MPG: variants seen among roughly 807,000 people sequenced by gnomAD.
MPG encodes N-methylpurine DNA glycosylase, also known as DNA-3-methyladenine glycosylase.
MPG carries 33 observed loss-of-function variants against 31.7 expected under a neutral mutation model. The ratio of observed to expected loss-of-function variants is 1.04; its 90% CI spans 0.79 to 1.39. The LOEUF is 1.39. MPG is among the 40% of genes most tolerant of loss of function. The pLI is 0.00. For synonymous variants in MPG, 202 were observed against 169.2 expected, an observed-to-expected ratio of 1.19 and a Z score of -1.51; for missense variants, 455 against 415.5, an observed-to-expected ratio of 1.10 and a Z score of -0.83.
At chr16:83,289 G>C in intron 3 of MPG, 33 bp downstream of exon 3, 1 of 1,587,854 alleles carries the variant, frequency 6.3e-7, no homozygotes, top group Non-Finnish European at 8.6e-7. Flanking sequence ...GGGTTGGAGG[G>C]CCGGCAGAGC....
intron 2 of MPG, among the ~76,000 whole-genome samples, chr16:80,921 G>A (rs1029648678): frequency 1.3e-5 from 2 of 152,218 alleles, no homozygotes; most frequent in Admixed American, 6.5e-5. Context: ...ACCACAATAC[G>A]TTTGTCTCTA....
rs969785856 is a variant in MPG, at chr16:85,694, C to T, written c.799C>T (p.Arg267Trp). Residue 267 changes from arginine to tryptophan, a missense_variant, in exon 4 of 4, where the codon CGG (arginine) becomes TGG (tryptophan). Coordinates refer to ENST00000356432, the MANE Select transcript of MPG (RefSeq NM_001015052.3). ...CGTCGGCCATGCAGGGGAGTGGGCC[C>T]GGAAACCCCTCCGCTTCTATGTCCG... ...VGVGHAGEWA[R>W]KPLRFYVRGS... 1.9e-5 allele frequency: 29 copies of T among 1,547,634 alleles called. No individual in the cohort carries two copies. Among genetic ancestry groups the T allele is most frequent in the African/African-American group, 6.8e-5 (5 of 73,114 alleles).
rs771648570 is a variant in MPG, at chr16:78,300, G to A, written c.-10G>A. Reference sequence around the variant, plus strand: ...TCCGAGTCCCACGAAGCCCCGGCCCGAGCCGCCGGATGCCCGCGCGCAGCG... The same window carrying A: ...TCCGAGTCCCACGAAGCCCCGGCCCAAGCCGCCGGATGCCCGCGCGCAGCG... On this transcript the variant is annotated 5_prime_UTR_variant, in exon 1 of 4. Coordinates refer to ENST00000356432, the MANE Select transcript of MPG (RefSeq NM_001015052.3). 7.5e-7 allele frequency: 1 copy of A among 1,337,084 alleles called. No homozygotes were observed. Among genetic ancestry groups the A allele is most frequent in the South Asian group, 1.8e-5 (1 of 56,658 alleles). The allele number at this position is 1,337,084 out of a possible 1,614,324, so 82.8% of individuals were successfully genotyped here.
intron 3 of MPG, chr16:83,458 G>GGGCCGGGCGC (rs1898313465): frequency 1.7e-6 from 1 of 575,220 alleles, no homozygotes; most frequent in Non-Finnish European, 3.0e-6. Context: ...GGGCCGGGTG[G>GGGCCGGGCGC]GGCCGGGCGC....
At chr16:79,061 T>G in intron 1 of MPG, 2 of 1,434,736 alleles carry the variant, frequency 1.4e-6, no homozygotes, top group Non-Finnish European at 1.8e-6. Context: ...AGACGTTTGC[T>G]TGGGACCTGC....
rs1013660133 is a variant in MPG, at chr16:79,577, G to A, written c.177G>A (p.Pro59=). The stretch of plus-strand genomic sequence containing the variant: ...GCCCCAGGGAGCGCTGCTTGGGACC[G>A]CCCACCACTCCGGGCCCATACCGCA... ...APCPRERCLG[P]PTTPGPYRSI... Residue 59 remains proline, a synonymous_variant, in exon 2 of 4, where the codon CCG becomes CCA. Coordinates refer to ENST00000356432, the MANE Select transcript of MPG (RefSeq NM_001015052.3). 13 of 1,611,074 alleles carry A rather than the reference G, an allele frequency of 8.1e-6. No homozygotes were observed. The highest frequency in any genetic ancestry group is 1.7e-5 in the Admixed American group (1 of 59,620).
intron 1 of MPG, chr16:79,063 G>A: frequency 7.0e-7 from 1 of 1,435,010 alleles, no homozygotes; most frequent in Non-Finnish European, 9.1e-7. Flanking sequence ...ACGTTTGCTT[G>A]GGACCTGCAT....
At chr16:83,013 C>A (rs779384931) in intron 2 of MPG, 39 bp from the exon 3 acceptor site, 8 of 1,522,226 alleles carry the variant, frequency 5.3e-6, no homozygotes, top group Non-Finnish European at 1.8e-6. Flanking sequence ...AGTGGACCCC[C>A]ATCCCTTCCC....
At chr16:81,672 T>C (rs1384615568) in intron 2 of MPG, among the ~76,000 whole-genome samples, 1 of 131,116 alleles carries the variant, frequency 7.6e-6, no homozygotes, top group Non-Finnish European at 1.5e-5. Context: ...GAAGGCCTCC[T>C]GAATGCTCCC....
At chr16:77,685 C>A (rs1898124598), upstream of MPG, among the ~76,000 whole-genome samples, 4 of 152,246 alleles carry the variant, frequency 2.6e-5, no homozygotes. Flanking sequence ...CCTGTGACAA[C>A]CCCGGCCAGG....
chr16:85,682 G>T lies in MPG; in HGVS notation c.787G>T (p.Gly263Trp). ...AGCCCGGGTGGGCGTCGGCCATGCA[G>T]GGGAGTGGGCCCGGAAACCCCTCCG... ...AAARVGVGHAGEWARKPLRFY... is the reference protein window; with the variant it reads ...AAARVGVGHAWEWARKPLRFY... The change falls in exon 4 of 4, where the codon GGG becomes TGG. Residue 263 changes from glycine to tryptophan, a missense_variant. Coordinates refer to ENST00000356432, the MANE Select transcript of MPG (RefSeq NM_001015052.3). The T allele has an allele frequency of 6.4e-7, 1 of 1,564,632 alleles. No individual in the cohort carries two copies. Among genetic ancestry groups the T allele is most frequent in the Non-Finnish European group, 8.7e-7 (1 of 1,152,222 alleles).
Position 79,458 on chromosome 16 carries a change from C to G in MPG, c.58C>G (p.Pro20Ala), listed in dbSNP as rs767030532. 17 of 1,613,048 alleles carry G rather than the reference C, an allele frequency of 1.1e-5. No individual in the cohort carries two copies. In the East Asian group the frequency reaches 3.8e-4, roughly 36 times the overall value. Residue 20 changes from proline (P) to alanine (A), a missense_variant, in exon 2 of 4, where the codon CCA (proline) becomes GCA (alanine). Transcript: ENST00000356432. ...CRRMGQKKQR[P>A]ARAGQPHSSS... Reference sequence around the variant, plus strand: ...ACGGATGGGGCAAAAGAAGCAGCGACCAGCTAGAGCAGGGCAGCCACACAG... The same window carrying G: ...ACGGATGGGGCAAAAGAAGCAGCGAGCAGCTAGAGCAGGGCAGCCACACAG...
intron 3 of MPG, 135 bp from the exon 4 acceptor site, chr16:85,266 G>A: frequency 9.6e-7 from 1 of 1,043,700 alleles, no homozygotes; most frequent in Non-Finnish European, 1.4e-6. Flanking sequence ...GATGGTGCAG[G>A]TGCACAGAGC....
In MPG at chr16:85,472, A is replaced by G. The variant is rs750441127; in HGVS notation, c.577A>G (p.Ser193Gly). Residue 193 changes from serine to glycine, a missense_variant, in exon 4 of 4, where the codon AGC (serine) becomes GGC (glycine). By Grantham distance (56) the Ser-to-Gly change is moderately conservative. Coordinates refer to ENST00000356432, the MANE Select transcript of MPG (RefSeq NM_001015052.3). ...EGLETMRQLRSTLRKGTASRV... is the reference protein window; with the variant it reads ...EGLETMRQLRGTLRKGTASRV... Reference sequence around the variant, plus strand: ...TCTGGAGACCATGCGTCAGCTTCGCAGCACCCTCCGGAAAGGCACCGCCAG... The same window carrying G: ...TCTGGAGACCATGCGTCAGCTTCGCGGCACCCTCCGGAAAGGCACCGCCAG... 4.3e-6 allele frequency: 7 copies of G among 1,613,004 alleles called. No individual in the cohort carries two copies. The African/African-American group carries it at 9.3e-5, about 22-fold the overall frequency.
rs780392088 is a variant in MPG at position 79,435 on chromosome 16, G to C, written c.35G>C (p.Arg12Pro). The C allele has an allele frequency of 1.2e-6, 2 of 1,613,092 alleles. No homozygotes were observed. Among genetic ancestry groups the C allele is most frequent in the Non-Finnish European group, 1.7e-6 (2 of 1,179,972 alleles). The stretch of plus-strand genomic sequence containing the variant: ...TTTTTCCCATTACAGTTTTGCCGAC[G>C]GATGGGGCAAAAGAAGCAGCGACCA... ...PARSGAQFCR[R>P]MGQKKQRPAR... Residue 12 changes from arginine (R) to proline (P), a missense_variant, in exon 2 of 4, where the codon CGG becomes CCG. Arg to Pro is a moderately radical substitution (Grantham distance 103, BLOSUM62 -2). Coordinates refer to ENST00000356432, the MANE Select transcript of MPG (RefSeq NM_001015052.3).
At chr16:78,158 T>G, upstream of MPG, 1 of 558,830 alleles carries the variant, frequency 1.8e-6, no homozygotes, top group Non-Finnish European at 2.6e-6. Context: ...GCGCAGCCAG[T>G]TCCCGGCGCT....
Position 85,841 on chromosome 16 carries a change from A to G in MPG, c.*64A>G. 15 of 1,410,922 alleles carry G rather than the reference A, an allele frequency of 1.1e-5. No homozygotes were observed. Among genetic ancestry groups the G allele is most frequent in the Non-Finnish European group, 1.3e-5 (14 of 1,080,026 alleles). The allele number at this position is 1,410,922 out of a possible 1,614,324, so 87.4% of individuals were successfully genotyped here. On this transcript the variant is annotated 3_prime_UTR_variant, in exon 4 of 4. Coordinates refer to ENST00000356432, the MANE Select transcript of MPG (RefSeq NM_001015052.3). ...AAAACCGAATAAATGTTTTATTTCT[A>G]GAAAACTGTGCCTTAGCCAGAGCTC...
At position 79,659 on chromosome 16, in the gene MPG, G is replaced by C. The variant is rs779520325; in HGVS notation, c.259G>C (p.Asp87His). The change falls in exon 2 of 4, where the codon GAC (aspartate) becomes CAC (histidine). Residue 87 changes from aspartate to histidine, a missense_variant. Asp to His is a moderately conservative substitution (Grantham distance 81). Transcript: ENST00000356432. ...TACCCGACTGGGGTTGGAGTTCTTCGACCAGCCGGCAGTCCCCCTGGCCCG... is the reference window on the plus strand; with the variant it reads ...TACCCGACTGGGGTTGGAGTTCTTCCACCAGCCGGCAGTCCCCCTGGCCCG... ...HLTRLGLEFF[D>H]QPAVPLARAF... The C allele has an allele frequency of 2.0e-5, 32 of 1,570,194 alleles. No individual in the cohort carries two copies. The highest frequency in any genetic ancestry group is 2.5e-5 in the Non-Finnish European group (29 of 1,156,876).
rs1175520651 is a variant in MPG at position 81,556 on chromosome 16, G to C, written c.301-1496G>C. ...GGCTCTGGATGCCTAAGGATTTCTG[G>C]GCTTCCCGCCCAGGCACTGACCCCT... On this transcript the variant is annotated intron_variant, in intron 2 of 3. Coordinates refer to ENST00000356432, the MANE Select transcript of MPG (RefSeq NM_001015052.3). 1.3e-5 allele frequency among the ~76,000 whole-genome samples: 2 copies of C among 151,896 alleles called. 1 individual carries two copies. Among genetic ancestry groups the C allele is most frequent in the African/African-American group, 4.8e-5 (2 of 41,288 alleles).
Sources: allele counts gnomAD v4.1 joint callset (sites outside exome capture counted in the v4.1 genomes callset), GRCh38; gene constraint gnomAD v4.1.1; transcripts MANE v1.5; gene names NCBI Gene and HGNC (gene_info 2026-07-23, HGNC 2026-07-21).